Variants in ZNF341 observed in about 807,000 individuals in gnomAD.
The protein encoded by ZNF341 is zinc finger protein 341.
ZNF341 carries 52 observed loss-of-function variants against 87.7 expected under a neutral mutation model. The ratio of observed to expected loss-of-function variants is 0.59; its 90% CI spans 0.47 to 0.75. The LOEUF is 0.75. Ranked by LOEUF, ZNF341 falls within the 30% of genes least tolerant of loss-of-function variation. The pLI, the probability that ZNF341 is intolerant of heterozygous loss-of-function variation, is 0.00. For missense variants in ZNF341, 977 were observed against 1,145.9 expected, an observed-to-expected ratio of 0.85 and a Z score of 2.13; for synonymous variants, 459 against 472.7, an observed-to-expected ratio of 0.97 and a Z score of 0.38.
intron 7 of ZNF341, among the ~76,000 whole-genome samples, chr20:33,760,043 C>T (rs920507912): frequency 6.6e-6 from 1 of 152,180 alleles, no homozygotes; most frequent in Non-Finnish European, 1.5e-5. Context: ...GCAAAACTGG[C>T]CTCAGTTGAG....
chr20:33,777,625 C>T (rs997914767), intron 10 of ZNF341, among the ~76,000 whole-genome samples: 1 of 146,404 alleles, frequency 6.8e-6, no homozygotes, highest in African/African-American at 2.5e-5. Flanking sequence ...CAGAGCGAGA[C>T]TCTTGTCTCA....
At chr20:33,748,118 C>G (rs1395144472) in intron 3 of ZNF341, among the ~76,000 whole-genome samples, 1 of 151,610 alleles carries the variant, frequency 6.6e-6, no homozygotes, top group African/African-American at 2.4e-5. Flanking sequence ...TGTCGCCAGG[C>G]TGGAGTGCAG....
At chr20:33,740,351 G>A (rs750613331) in intron 1 of ZNF341, among the ~76,000 whole-genome samples, 6 of 152,154 alleles carry the variant, frequency 3.9e-5, no homozygotes, top group Non-Finnish European at 8.8e-5. Flanking sequence ...CATTCCTTTG[G>A]CCAGAACTTA....
At chr20:33,782,332 T>C (rs1331601598) in intron 11 of ZNF341, among the ~76,000 whole-genome samples, 1 of 152,236 alleles carries the variant, frequency 6.6e-6, no homozygotes, top group Non-Finnish European at 1.5e-5. Flanking sequence ...TTTTCTTTCC[T>C]CTGAATTTAT....
At chr20:33,763,933 C>T (rs1276601420) in intron 8 of ZNF341, among the ~76,000 whole-genome samples, 8 of 151,522 alleles carry the variant, frequency 5.3e-5, no homozygotes, top group Non-Finnish European at 1.0e-4. Flanking sequence ...CCTGTAATCC[C>T]AGCACTTTGG....
chr20:33,742,403 GT>G (rs1387332253), intron 2 of ZNF341, among the ~76,000 whole-genome samples: 1 of 152,058 alleles, frequency 6.6e-6, no homozygotes, highest in African/African-American at 2.4e-5. Context: ...CACCACGTTG[GT>G]CAGGCTGGTC....
intron 4 of ZNF341, chr20:33,752,449 C>T (rs1380829433): frequency 1.2e-5 from 7 of 586,948 alleles, no homozygotes; most frequent in Middle Eastern, 3.8e-4. Flanking sequence ...TCCATGGATG[C>T]ACTTGTGAAT....
chr20:33,753,924 T>C (rs1422035877), intron 5 of ZNF341, among the ~76,000 whole-genome samples: 1 of 152,204 alleles, frequency 6.6e-6, no homozygotes, highest in African/African-American at 2.4e-5. Context: ...CTCACTCATA[T>C]GTCTGAACGT....
At chr20:33,737,300 T>G (rs2018709554) in intron 1 of ZNF341, among the ~76,000 whole-genome samples, 1 of 152,066 alleles carries the variant, frequency 6.6e-6, no homozygotes, top group Non-Finnish European at 1.5e-5. Context: ...CTAGGTTTTT[T>G]ATTTTTATTT....
chr20:33,774,119 A>T (rs1308266372), intron 10 of ZNF341, among the ~76,000 whole-genome samples: 1 of 23,602 alleles, frequency 4.2e-5, no homozygotes, highest in African/African-American at 5.8e-4. Context: ...GTCTCTACTA[A>T]AAAAAAAAAA....
At chr20:33,761,656 G>A (rs1195774102) in intron 7 of ZNF341, among the ~76,000 whole-genome samples, 1 of 152,212 alleles carries the variant, frequency 6.6e-6, no homozygotes, top group Admixed American at 6.5e-5. Flanking sequence ...GTTTGTTGAT[G>A]AGCAGCTCAG....
At chr20:33,738,177 G>T (rs573744135) in intron 1 of ZNF341, among the ~76,000 whole-genome samples, 5 of 151,056 alleles carry the variant, frequency 3.3e-5, no homozygotes, top group African/African-American at 1.2e-4. Flanking sequence ...GGTGGCTCAT[G>T]CCTGTATTCC....
At chr20:33,765,944 G>A (rs1363890037) in intron 8 of ZNF341, among the ~76,000 whole-genome samples, 4 of 152,116 alleles carry the variant, frequency 2.6e-5, no homozygotes, top group East Asian at 1.9e-4. Flanking sequence ...GTGCAATGGC[G>A]CAATATTGGC....
In ZNF341 at chr20:33,790,926, G is replaced by A. The variant is rs2747565; in HGVS notation, c.2036-62G>A. The A allele has an allele frequency of 0.31, 476,105 of 1,535,014 alleles. 76,832 individuals are homozygous for A. The highest frequency in any genetic ancestry group is 0.49 in the East Asian group (21,431 of 43,998). On this transcript the variant is annotated intron_variant, in intron 14 of 14. Coordinates refer to ENST00000375200, the MANE Select transcript of ZNF341 (RefSeq NM_001282933.2). ...AAAGAGCCTGGATTTTATTCCCAGC[G>A]CAGGGCACTGTTGCGGGGTGAAGGT...
intron 2 of ZNF341, among the ~76,000 whole-genome samples, chr20:33,743,335 ATTTTTTT>A (rs143611794): frequency 8.3e-5 from 9 of 108,092 alleles, no homozygotes; most frequent in Admixed American, 5.1e-4. Flanking sequence ...ACCCTGCCCA[ATTTTTTT>A]TTTTTTTTTT....
rs2020002433 is a variant in ZNF341 at position 33,790,980 on chromosome 20, C to T, written c.2036-8C>T. 1.2e-6 allele frequency: 2 copies of T among 1,604,578 alleles called. No homozygotes were observed. The highest frequency in any genetic ancestry group is 2.2e-5 in the East Asian group (1 of 44,746). ...GATGCTTCTCACTGACTTTCCCTTG[C>T]CCTCCAGGCATGAAGCTCCACAAAT... On this transcript the variant is annotated splice_polypyrimidine_tract_variant and splice_region_variant and intron_variant, in intron 14 of 14. Transcript: ENST00000375200.
At chr20:33,773,795 G>C (rs1283011108) in intron 10 of ZNF341, among the ~76,000 whole-genome samples, 1 of 152,070 alleles carries the variant, frequency 6.6e-6, no homozygotes, top group East Asian at 1.9e-4. Context: ...AGTTGATTCT[G>C]TCTCATAGTG....
intron 5 of ZNF341, among the ~76,000 whole-genome samples, chr20:33,753,798 T>C (rs746701232): frequency 1.3e-5 from 2 of 152,202 alleles, no homozygotes; most frequent in Non-Finnish European, 2.9e-5. Flanking sequence ...GCTAGGTGTA[T>C]CAGTTAGCTA....
At chr20:33,743,090 G>A (rs1049062424) in intron 2 of ZNF341, among the ~76,000 whole-genome samples, 1 of 150,182 alleles carries the variant, frequency 6.7e-6, no homozygotes, top group Non-Finnish European at 1.5e-5. Flanking sequence ...GGAGTGCAAT[G>A]GCATGATCTT....
Sources: gnomAD v4.1 joint callset for allele counts (sites outside exome capture counted in the v4.1 genomes callset) on GRCh38, gnomAD v4.1.1 for gene constraint, MANE v1.5 for transcripts, NCBI Gene and HGNC (gene_info 2026-07-23, HGNC 2026-07-21) for gene names.